Variants in VWA3B observed in about 807,000 individuals in gnomAD.
VWA3B encodes the protein von Willebrand factor A domain containing 3B, also known as von Willebrand factor A domain-containing protein 3B.
VWA3B carries 138 observed loss-of-function variants against 158.3 expected under a neutral mutation model. That is an observed-to-expected ratio of 0.87 (90% CI 0.76 to 1.00). The LOEUF (loss-of-function observed/expected upper bound fraction) is 1.00, where lower values mean the gene tolerates loss of function less well. Ranked by LOEUF, VWA3B falls within the 50% of genes least tolerant of loss-of-function variation. VWA3B has a pLI of 0.00. For synonymous variants in VWA3B, 596 were observed against 587.3 expected (o/e 1.01, Z -0.21); for missense variants, 1,555 against 1,565.1 (o/e 0.99, Z 0.11).
chr2:98,211,814 T>C, intron 12 of VWA3B, 116 bp from the exon 13 acceptor site: 1 of 813,082 alleles, frequency 1.2e-6, no homozygotes, highest in Non-Finnish European at 2.0e-6. Flanking sequence ...AATGTAATTA[T>C]TTATCTTTCA....
At chr2:98,323,597 C>G in the VWA3B span, among the ~76,000 whole-genome samples, 3 of 151,876 alleles carry the variant, frequency 2.0e-5, no homozygotes, top group Non-Finnish European at 4.4e-5. Context: ...TAAGGAACCT[C>G]AAAACATGAT....
At chr2:98,190,924 A>T (rs1055239464) in intron 10 of VWA3B, among the ~76,000 whole-genome samples, 1 of 152,218 alleles carries the variant, frequency 6.6e-6, no homozygotes, top group East Asian at 1.9e-4. Flanking sequence ...ATATTTTCTC[A>T]AATATTTTTT....
intron 7 of VWA3B, among the ~76,000 whole-genome samples, chr2:98,157,916 C>T (rs796646912): frequency 2.4e-4 from 37 of 152,354 alleles, no homozygotes; most frequent in African/African-American, 7.9e-4. Context: ...ACCTGCCTAT[C>T]TTTCTAATTG....
chr2:98,155,284 G>A (rs754060723), intron 7 of VWA3B, among the ~76,000 whole-genome samples: 1 of 152,184 alleles, frequency 6.6e-6, no homozygotes, highest in Non-Finnish European at 1.5e-5. Flanking sequence ...GGTTTCAGAC[G>A]TAGGAAGAGG....
intron 23 of VWA3B, among the ~76,000 whole-genome samples, chr2:98,294,203 CAAAAAAAAAAA>C (rs751689571): frequency 7.1e-5 from 4 of 56,296 alleles, no homozygotes; most frequent in East Asian, 7.1e-4. Context: ...CACACACACA[CAAAAAAAAAAA>C]AAAAAAAAAA....
intron 7 of VWA3B, among the ~76,000 whole-genome samples, chr2:98,145,949 G>A (rs1440222528): frequency 6.6e-6 from 1 of 151,942 alleles, no homozygotes; most frequent in Non-Finnish European, 1.5e-5. Flanking sequence ...TTTCCAGGCT[G>A]GTCTCAAACT....
chr2:98,155,897 C>T (rs1195569449), intron 7 of VWA3B, among the ~76,000 whole-genome samples: 1 of 152,016 alleles, frequency 6.6e-6, no homozygotes, highest in Non-Finnish European at 1.5e-5. Context: ...CTTTTTTTTT[C>T]TCCAAGAATA....
At chr2:98,236,852 A>G in intron 19 of VWA3B, 122 bp downstream of exon 19, 11 of 1,366,470 alleles carry the variant, frequency 8.0e-6, no homozygotes, top group Non-Finnish European at 1.1e-5. Context: ...GGGAAAAAGT[A>G]TTTGTAAAGG....
intron 8 of VWA3B, among the ~76,000 whole-genome samples, chr2:98,167,216 G>A (rs1259943230): frequency 2.0e-5 from 3 of 152,172 alleles, no homozygotes; most frequent in African/African-American, 7.2e-5. Flanking sequence ...GGCACATACA[G>A]GTCCATAGTA....
chr2:98,197,648 A>G (rs1393292227), intron 12 of VWA3B, among the ~76,000 whole-genome samples: 1 of 152,044 alleles, frequency 6.6e-6, no homozygotes, highest in African/African-American at 2.4e-5. Flanking sequence ...ATGGAAATTT[A>G]TTTTATTCTT....
At chr2:98,117,952 G>A (rs910074751) in intron 3 of VWA3B, among the ~76,000 whole-genome samples, 1 of 152,018 alleles carries the variant, frequency 6.6e-6, no homozygotes, top group African/African-American at 2.4e-5. Flanking sequence ...GGCCAGGCTG[G>A]TCTCGAACTC....
At chr2:98,193,153 C>T in intron 11 of VWA3B, 117 bp downstream of exon 11, 1 of 1,311,680 alleles carries the variant, frequency 7.6e-7, no homozygotes, top group Middle Eastern at 2.0e-4. Flanking sequence ...CAGAGAAGTA[C>T]TCCCTTTTGT....
chr2:98,282,432 CTTTTTTTT>C (rs759230723), intron 22 of VWA3B, among the ~76,000 whole-genome samples: 6 of 124,896 alleles, frequency 4.8e-5, no homozygotes, highest in Admixed American at 8.3e-5. Context: ...ACATGAATTA[CTTTTTTTT>C]TTTTTTTTTT....
At chr2:98,297,374 G>A (rs751926909) in intron 23 of VWA3B, among the ~76,000 whole-genome samples, 6 of 152,206 alleles carry the variant, frequency 3.9e-5, no homozygotes, top group Non-Finnish European at 7.4e-5. Context: ...GAGCCACCAC[G>A]CCCAGCCTTA....
At chr2:98,200,988 T>C (rs935232411) in intron 12 of VWA3B, among the ~76,000 whole-genome samples, 1 of 152,242 alleles carries the variant, frequency 6.6e-6, no homozygotes. Flanking sequence ...TTAATAGGTG[T>C]CTGTTCTTTC....
intron 12 of VWA3B, among the ~76,000 whole-genome samples, 174 bp downstream of exon 12, chr2:98,194,666 T>C (rs1681891365): frequency 1.3e-5 from 2 of 152,216 alleles, no homozygotes; most frequent in Admixed American, 1.3e-4. Flanking sequence ...TCTCATTTTG[T>C]CAATATCATA....
chr2:98,311,244 T>A (rs1558786572), intron 26 of VWA3B, among the ~76,000 whole-genome samples: 1 of 152,246 alleles, frequency 6.6e-6, no homozygotes. Flanking sequence ...GTGCCTTCTT[T>A]GAAGGACAGC....
At chr2:98,237,843 G>C (rs1390407527) in intron 19 of VWA3B, among the ~76,000 whole-genome samples, 1 of 152,158 alleles carries the variant, frequency 6.6e-6, no homozygotes, top group African/African-American at 2.4e-5. Context: ...GGGATGCTTG[G>C]GGTTTGCTTT....
chr2:98,301,283 G>A (rs1399431920), intron 25 of VWA3B, among the ~76,000 whole-genome samples: 1 of 150,478 alleles, frequency 6.6e-6, no homozygotes, highest in Non-Finnish European at 1.5e-5. Context: ...CAGCAAGACT[G>A]TCTCAAAAAA....
Sources: gnomAD v4.1 joint callset for allele counts (sites outside exome capture counted in the v4.1 genomes callset) on GRCh38, gnomAD v4.1.1 for gene constraint, MANE v1.5 for transcripts, NCBI Gene and HGNC (gene_info 2026-07-23, HGNC 2026-07-21) for gene names.